Variants in ARVCF observed in about 807,000 individuals in gnomAD.
The protein encoded by ARVCF is ARVCF delta catenin family member, also known as splicing regulator ARVCF.
Under a neutral mutation model 90.9 loss-of-function variants are expected in ARVCF, and 66 were observed. The observed-to-expected ratio is 0.73, with a 90% CI of 0.60 to 0.89. The LOEUF is 0.89. ARVCF is among the 40% of genes least tolerant of loss of function. The pLI, the probability that ARVCF is intolerant of heterozygous loss-of-function variation, is 0.00. For synonymous variants in ARVCF, 653 were observed against 603.4 expected, an observed-to-expected ratio of 1.08 and a Z score of -1.21; for missense variants, 1,469 against 1,382.3, an observed-to-expected ratio of 1.06 and a Z score of -1.00.
At chr22:20,001,838 G>A (rs1944456991) in intron 2 of ARVCF, among the ~76,000 whole-genome samples, 1 of 152,184 alleles carries the variant, frequency 6.6e-6, no homozygotes, top group African/African-American at 2.4e-5. Context: ...TAAATAATGA[G>A]GATCCCATGG....
intron 1 of ARVCF, among the ~76,000 whole-genome samples, chr22:20,015,068 T>A (rs1364982826): frequency 6.6e-6 from 1 of 152,074 alleles, no homozygotes; most frequent in Admixed American, 6.5e-5. Flanking sequence ...TTTAGCAGGA[T>A]TGAGGGTCAG....
downstream of ARVCF, among the ~76,000 whole-genome samples, chr22:19,966,256 C>T (rs956147658): frequency 3.3e-5 from 5 of 152,008 alleles, no homozygotes; most frequent in African/African-American, 1.2e-4. Context: ...CAACCTGGCT[C>T]TTGTGAGGGT....
In ARVCF at chr22:19,970,075, C is replaced by T. The variant is rs1942662352; in HGVS notation, c.*681G>A. On this transcript the variant is annotated 3_prime_UTR_variant, in exon 20 of 20. Coordinates refer to ENST00000263207, the MANE Select transcript of ARVCF (RefSeq NM_001670.3). ...CCGAAGGTCAGTCCCGGAGGTGCTGCCCAGGCTCCAGGCAGATGCGGCAGC... is the reference window on the plus strand; with the variant it reads ...CCGAAGGTCAGTCCCGGAGGTGCTGTCCAGGCTCCAGGCAGATGCGGCAGC... The T allele has an allele frequency of 1.0e-6, 1 of 985,426 alleles. No individual in the cohort carries two copies. The highest frequency in any genetic ancestry group is 1.2e-6 in the Non-Finnish European group (1 of 829,934). The allele number at this position is 985,426 out of a possible 1,614,324, so 61.0% of individuals were successfully genotyped here.
chr22:19,987,490 A>AGGCCTCGGTTT (rs982131690), intron 3 of ARVCF, among the ~76,000 whole-genome samples: 3 of 149,924 alleles, frequency 2.0e-5, no homozygotes, highest in African/African-American at 4.9e-5. Context: ...AGTCCTTCCC[A>AGGCCTCGGTTT]GGCCTCGGTT....
intron 2 of ARVCF, among the ~76,000 whole-genome samples, chr22:20,006,533 C>T (rs1229449661): frequency 4.2e-5 from 6 of 142,612 alleles, no homozygotes; most frequent in South Asian, 4.9e-4. Flanking sequence ...GAGCCGAGAT[C>T]GCGCCACTGC....
chr22:19,972,753 C>A lies in ARVCF; in HGVS notation c.2625G>T (p.Leu875=), dbSNP rs755112997. ...PGGFDDSTLP[L]VDKSLEGEKT... is the part of the protein sequence containing the mutation. ...ACCACTCACCAAGGCTCTTGTCCAC[C>A]AGTGGCAGCGTGCTGTCATCGAAGC... is the stretch of plus-strand genomic sequence containing the variant. The change falls in exon 16 of 20, where the codon CTG becomes CTT. Residue 875 remains leucine, a synonymous_variant. Transcript: ENST00000263207. 6.2e-7 allele frequency: 1 copy of A among 1,611,984 alleles called. No homozygotes were observed.
chr22:20,005,372 T>TAAA (rs34774877), intron 2 of ARVCF, among the ~76,000 whole-genome samples: 1 of 136,936 alleles, frequency 7.3e-6, no homozygotes, highest in Non-Finnish European at 1.6e-5. Flanking sequence ...ATGGCTAGTC[T>TAAA]AAAAAAAAAA....
downstream of ARVCF, chr22:19,967,169 G>A (rs1942447217): frequency 7.7e-7 from 1 of 1,304,008 alleles, no homozygotes; most frequent in South Asian, 1.2e-5. Flanking sequence ...TGCAGGTGCA[G>A]TGGTCTGGTG....
At chr22:19,985,964 G>A (rs1280530120) in intron 3 of ARVCF, among the ~76,000 whole-genome samples, 1 of 152,246 alleles carries the variant, frequency 6.6e-6, no homozygotes, top group Non-Finnish European at 1.5e-5. Context: ...CTCTCACCAG[G>A]CAGCAAGCCC....
chr22:19,992,112 A>G (rs955180499), intron 2 of ARVCF, among the ~76,000 whole-genome samples: 3 of 152,200 alleles, frequency 2.0e-5, no homozygotes, highest in Non-Finnish European at 4.4e-5. Context: ...GTGCGGGGAC[A>G]TGGGTGCACC....
chr22:20,006,482 G>A (rs1403688869), intron 2 of ARVCF, among the ~76,000 whole-genome samples: 2 of 150,350 alleles, frequency 1.3e-5, no homozygotes, highest in African/African-American at 4.9e-5. Flanking sequence ...GGGAGGCTGA[G>A]GCAGGAGAAT....
chr22:20,009,231 G>A lies in ARVCF; in HGVS notation c.-19+1224C>T, dbSNP rs560029192. ...AAGACCCTGCATGGCCAAATGGCCTGAGCAGTGACATTCTCGGCCAGACGC... is the reference window on the plus strand; with the variant it reads ...AAGACCCTGCATGGCCAAATGGCCTAAGCAGTGACATTCTCGGCCAGACGC... On this transcript the variant is annotated intron_variant, in intron 2 of 19. Coordinates refer to ENST00000263207, the MANE Select transcript of ARVCF (RefSeq NM_001670.3). 5.9e-5 allele frequency among the ~76,000 whole-genome samples: 9 copies of A among 152,368 alleles called. No individual in the cohort carries two copies. The South Asian group carries it at 1.2e-3, about 21-fold the overall frequency.
chr22:19,997,885 C>A (rs1158549200), intron 2 of ARVCF, among the ~76,000 whole-genome samples: 2 of 152,242 alleles, frequency 1.3e-5, no homozygotes, highest in Admixed American at 1.3e-4. Flanking sequence ...GGGCACCCAC[C>A]CCGCAAGGTG....
rs937723157 is a variant in ARVCF at position 19,973,729 on chromosome 22, A to G, written c.2153T>C (p.Leu718Pro). ...ERGLPVLVELLQSETDKVVRA... is the reference protein window; with the variant it reads ...ERGLPVLVELPQSETDKVVRA... ...CACCACCTTGTCGGTCTCAGACTGC[A>G]GCAGTTCCACAAGCACCGGCAGCCC... Residue 718 changes from leucine to proline, a missense_variant, in exon 13 of 20, where the codon CTG becomes CCG. Transcript: ENST00000263207. 4 of 1,609,704 alleles carry G rather than the reference A, an allele frequency of 2.5e-6. No homozygotes were observed. Among genetic ancestry groups the G allele is most frequent in the Middle Eastern group, 1.6e-4 (1 of 6,062 alleles).
chr22:19,994,580 A>T (rs1195739452), intron 2 of ARVCF, among the ~76,000 whole-genome samples: 1 of 47,830 alleles, frequency 2.1e-5, no homozygotes, highest in Non-Finnish European at 3.8e-5. Flanking sequence ...GGGTGGGGGG[A>T]TGGTGGAGGA....
At chr22:19,989,132 G>A (rs1290943858) in intron 3 of ARVCF, among the ~76,000 whole-genome samples, 3 of 152,164 alleles carry the variant, frequency 2.0e-5, no homozygotes, top group Non-Finnish European at 2.9e-5. Context: ...TGGGCCCAGC[G>A]TTCTGCTTCC....
chr22:19,971,338 G>A lies in ARVCF; in HGVS notation c.2782-3C>T, dbSNP rs754675388. The stretch of plus-strand genomic sequence containing the variant: ...GGGGCCTTCCTGCTGGGGTCGAGCT[G>A]CAGCGCACGGGTGGGCATTAGAGGC... On this transcript the variant is annotated splice_polypyrimidine_tract_variant and splice_region_variant and intron_variant, in intron 18 of 19. Coordinates refer to ENST00000263207, the MANE Select transcript of ARVCF (RefSeq NM_001670.3). The A allele has an allele frequency of 3.2e-6, 5 of 1,551,024 alleles. No individual in the cohort carries two copies. The highest frequency in any genetic ancestry group is 2.0e-5 in the Admixed American group (1 of 51,266).
At chr22:19,968,538 A>AT (rs1166481790), downstream of ARVCF, 6 of 1,608,796 alleles carry the variant, frequency 3.7e-6, no homozygotes, top group East Asian at 1.3e-4. Flanking sequence ...GTTTGCAGGA[A>AT]TGTGGCCTGC....
chr22:20,004,492 A>G (rs2079701), intron 2 of ARVCF, among the ~76,000 whole-genome samples: 56,136 of 151,680 alleles, frequency 0.37, 10,932 homozygotes, highest in Non-Finnish European at 0.44. Flanking sequence ...GTCAAAAAAA[A>G]AAAAGAAAAG....
Sources: allele counts gnomAD v4.1 joint callset (sites outside exome capture counted in the v4.1 genomes callset), GRCh38; gene constraint gnomAD v4.1.1; transcripts MANE v1.5; gene names NCBI Gene and HGNC (gene_info 2026-07-23, HGNC 2026-07-21).